The following ASIC2 variants were observed in gnomAD, a reference collection of about 807,000 sequenced individuals.
The protein encoded by ASIC2 is acid-sensing ion channel 2.
A neutral mutation model predicts 57.3 loss-of-function variants in ASIC2; 25 were observed. The ratio of observed to expected loss-of-function variants is 0.44; its 90% CI spans 0.32 to 0.61. The LOEUF (loss-of-function observed/expected upper bound fraction) is 0.61, where lower values mean the gene tolerates loss of function less well. Among genes scored for constraint, ASIC2 ranks in the 20% least tolerant of loss-of-function variants. ASIC2 has a pLI of 0.06. For missense variants in ASIC2, 641 were observed against 738.1 expected (o/e 0.87, Z 1.52); for synonymous variants, 319 against 307.5 (o/e 1.04, Z -0.39).
intron 1 of ASIC2, among the ~76,000 whole-genome samples, chr17:33,711,342 T>C (rs1399676172): frequency 1.3e-5 from 2 of 152,192 alleles, no homozygotes; most frequent in East Asian, 3.9e-4. Flanking sequence ...CGTGAGCTTC[T>C]CCTGAACTCC....
intron 1 of ASIC2, among the ~76,000 whole-genome samples, chr17:33,732,777 A>G (rs1387140482): frequency 6.6e-6 from 1 of 152,120 alleles, no homozygotes; most frequent in Non-Finnish European, 1.5e-5. Flanking sequence ...AGCTGGGACT[A>G]CAGGTGTGCA....
intron 1 of ASIC2, among the ~76,000 whole-genome samples, chr17:33,711,053 C>G (rs890987656): frequency 6.6e-6 from 1 of 152,150 alleles, no homozygotes; most frequent in Non-Finnish European, 1.5e-5. Context: ...TGGTCTCAAG[C>G]GATCCTCCCA....
At chr17:34,024,359 T>A (rs1907293715) in intron 1 of ASIC2, among the ~76,000 whole-genome samples, 1 of 152,210 alleles carries the variant, frequency 6.6e-6, no homozygotes, top group Admixed American at 6.5e-5. Flanking sequence ...CACAAGTGGA[T>A]CTTGGAGAAT....
chr17:33,940,395 T>C (rs17783767), intron 1 of ASIC2, among the ~76,000 whole-genome samples: 48,623 of 152,010 alleles, frequency 0.32, 7,858 homozygotes, highest in Admixed American at 0.38. Flanking sequence ...AGTGCTGCTC[T>C]TCACTGAGCA....
chr17:33,126,420 G>T (rs557913713), intron 1 of ASIC2, among the ~76,000 whole-genome samples: 2 of 152,124 alleles, frequency 1.3e-5, no homozygotes, highest in Non-Finnish European at 2.9e-5. Flanking sequence ...TTCATGTGTC[G>T]AATGGCCTGG....
chr17:33,747,919 A>C (rs1460074222), intron 1 of ASIC2, among the ~76,000 whole-genome samples: 2 of 152,204 alleles, frequency 1.3e-5, no homozygotes, highest in Non-Finnish European at 2.9e-5. Context: ...AGTTTTAGTG[A>C]AAGAAGCCAG....
At chr17:34,054,353 C>T (rs1908682592) in intron 1 of ASIC2, among the ~76,000 whole-genome samples, 1 of 152,176 alleles carries the variant, frequency 6.6e-6, no homozygotes, top group Non-Finnish European at 1.5e-5. Context: ...CTCCAAGAGG[C>T]TGTTATTTGT....
intron 1 of ASIC2, among the ~76,000 whole-genome samples, chr17:34,044,569 C>T (rs1908267435): frequency 6.6e-6 from 1 of 152,032 alleles, no homozygotes; most frequent in Non-Finnish European, 1.5e-5. Context: ...ACCCACATCC[C>T]CTTGGAGGAG....
chr17:34,030,039 C>A (rs1038499765), intron 1 of ASIC2, among the ~76,000 whole-genome samples: 1 of 152,224 alleles, frequency 6.6e-6, no homozygotes, highest in African/African-American at 2.4e-5. Context: ...GAATCCCACA[C>A]AATTGGCTCT....
chr17:33,627,721 G>A (rs1282922969), intron 1 of ASIC2, among the ~76,000 whole-genome samples: 1 of 152,234 alleles, frequency 6.6e-6, no homozygotes, highest in Admixed American at 6.5e-5. Flanking sequence ...ATGGTTTGCT[G>A]TTTTGATTTG....
rs554958165 is a variant in ASIC2 at position 34,079,954 on chromosome 17, A to AT, written c.555+76023dup. Among the ~76,000 whole-genome samples, 148 of 149,460 alleles carry AT rather than the reference A, an allele frequency of 9.9e-4. 1 individual carries two copies. Among genetic ancestry groups the AT allele is most frequent in the African/African-American group, 3.5e-3 (140 of 40,334 alleles). On this transcript the variant is annotated intron_variant, in intron 1 of 9. Transcript: ENST00000359872. ...CCACTTTACCGGAATTTCTATGGAA[A>AT]TCTCCAACTTCTTGCATGTAGGGTA...
intron 1 of ASIC2, among the ~76,000 whole-genome samples, chr17:33,488,469 T>C (rs1913647634): frequency 6.6e-6 from 1 of 152,230 alleles, no homozygotes; most frequent in South Asian, 2.1e-4. Flanking sequence ...TTTTTTATTT[T>C]TAAGTCCAGA....
chr17:33,986,848 A>T (rs1905836566), intron 1 of ASIC2, among the ~76,000 whole-genome samples: 1 of 152,146 alleles, frequency 6.6e-6, no homozygotes, highest in African/African-American at 2.4e-5. Context: ...CATGCCTTGA[A>T]GCTCATATAC....
intron 1 of ASIC2, among the ~76,000 whole-genome samples, chr17:33,373,059 A>G (rs1909141396): frequency 6.6e-6 from 1 of 152,214 alleles, no homozygotes; most frequent in South Asian, 2.1e-4. Flanking sequence ...CAGAAAGGGA[A>G]TGGCTTTGAA....
intron 1 of ASIC2, among the ~76,000 whole-genome samples, chr17:33,202,317 T>G (rs1367976358): frequency 1.3e-5 from 2 of 152,180 alleles, no homozygotes; most frequent in Non-Finnish European, 2.9e-5. Context: ...GTGATGAGTT[T>G]GGGAGGGAGA....
intron 1 of ASIC2, among the ~76,000 whole-genome samples, chr17:34,068,079 G>A (rs1325545427): frequency 6.6e-6 from 1 of 152,208 alleles, no homozygotes; most frequent in Non-Finnish European, 1.5e-5. Context: ...GGCAGACCAA[G>A]AAGTGGAGGC....
chr17:33,598,919 A>T (rs1249850829), intron 1 of ASIC2, among the ~76,000 whole-genome samples: 1 of 152,192 alleles, frequency 6.6e-6, no homozygotes, highest in African/African-American at 2.4e-5. Context: ...GAGACTGCCT[A>T]TAGGGTATGC....
intron 1 of ASIC2, among the ~76,000 whole-genome samples, chr17:33,835,542 T>C (rs1476820859): frequency 6.6e-6 from 1 of 152,196 alleles, no homozygotes; most frequent in African/African-American, 2.4e-5. Context: ...CACTCTGACT[T>C]GTTCTCACTT....
intron 1 of ASIC2, among the ~76,000 whole-genome samples, chr17:33,765,267 A>G (rs1345023499): frequency 6.6e-6 from 1 of 150,962 alleles, no homozygotes; most frequent in African/African-American, 2.5e-5. Context: ...TACCACGCCC[A>G]GCTAATTTTT....
Sources: gnomAD v4.1 joint callset for allele counts (sites outside exome capture counted in the v4.1 genomes callset) on GRCh38, gnomAD v4.1.1 for gene constraint, MANE v1.5 for transcripts, NCBI Gene and HGNC (gene_info 2026-07-23, HGNC 2026-07-21) for gene names.